Variants in CYP4X1 observed in about 807,000 individuals in gnomAD.
The protein encoded by CYP4X1 is cytochrome P450 4X1.
Under a neutral mutation model 57.9 loss-of-function variants are expected in CYP4X1, and 44 were observed. That is an observed-to-expected ratio of 0.76 (90% CI 0.60 to 0.98). The LOEUF (loss-of-function observed/expected upper bound fraction) is 0.98. Ranked by LOEUF, CYP4X1 falls within the 50% of genes least tolerant of loss-of-function variation. CYP4X1 has a pLI of 0.00. For missense variants in CYP4X1, 532 were observed against 623.9 expected, an observed-to-expected ratio of 0.85 and a Z score of 1.57; for synonymous variants, 227 against 228.6, an observed-to-expected ratio of 0.99 and a Z score of 0.06.
the CYP4X1 span, among the ~76,000 whole-genome samples, chr1:46,965,015 C>T: frequency 1.3e-5 from 2 of 152,220 alleles, no homozygotes; most frequent in Non-Finnish European, 2.9e-5. Flanking sequence ...AGTGAGGCAC[C>T]TTGGGTGTAG....
chr1:47,024,267 C>T (rs1239843132), intron 1 of CYP4X1, among the ~76,000 whole-genome samples: 1 of 152,194 alleles, frequency 6.6e-6, no homozygotes, highest in Non-Finnish European at 1.5e-5. Context: ...AAAAAGAAAG[C>T]GAGCTGTAAC....
At chr1:47,016,792 T>C in the CYP4X1 span, among the ~76,000 whole-genome samples, 1 of 152,264 alleles carries the variant, frequency 6.6e-6, no homozygotes, top group Non-Finnish European at 1.5e-5. Context: ...TAAATTGTTA[T>C]TGACTACAAT....
the CYP4X1 span, among the ~76,000 whole-genome samples, chr1:47,016,922 T>C: frequency 1.3e-5 from 2 of 152,224 alleles, no homozygotes; most frequent in African/African-American, 2.4e-5. Context: ...ATTGTTTTGA[T>C]TGTTGGATCC....
chr1:46,978,412 C>T, the CYP4X1 span, among the ~76,000 whole-genome samples: 1 of 152,088 alleles, frequency 6.6e-6, no homozygotes, highest in Non-Finnish European at 1.5e-5. Context: ...GGGATCAATT[C>T]AACAAGAAGA....
chr1:46,961,433 C>G, the CYP4X1 span: 37 of 545,444 alleles, frequency 6.8e-5, no homozygotes, highest in Non-Finnish European at 9.1e-5. Flanking sequence ...TATCCTGGGC[C>G]CACCAGTTTT....
In CYP4X1 at chr1:47,036,125, G is replaced by A; in HGVS notation, c.729G>A (p.Gln243=). 6.2e-7 allele frequency: 1 copy of A among 1,613,532 alleles called. No individual in the cohort carries two copies. Among genetic ancestry groups the A allele is most frequent in the Non-Finnish European group, 8.5e-7 (1 of 1,179,716 alleles). ...ACATAATTTTCAAACTCAGCCCTCA[G>A]GGCTACCGCTTCCAGAAGTTAAGCC... The part of the protein sequence containing the change: ...HSDIIFKLSP[Q]GYRFQKLSRV... Residue 243 remains glutamine (Q), a synonymous_variant, in exon 6 of 12, where the codon CAG becomes CAA. Coordinates refer to ENST00000371901, the MANE Select transcript of CYP4X1 (RefSeq NM_178033.2).
the CYP4X1 span, among the ~76,000 whole-genome samples, chr1:46,990,904 CG>C: frequency 1.3e-5 from 2 of 150,474 alleles, no homozygotes; most frequent in Admixed American, 6.6e-5. Context: ...CTGTTGGGGG[CG>C]GGGGGTTAGG....
chr1:47,033,814 C>T (rs896596430), intron 4 of CYP4X1, among the ~76,000 whole-genome samples: 13 of 152,166 alleles, frequency 8.5e-5, no homozygotes, highest in African/African-American at 2.9e-4. Flanking sequence ...ATGGTGGATC[C>T]CTGTGCCATT....
the CYP4X1 span, among the ~76,000 whole-genome samples, chr1:46,993,557 A>C: frequency 6.6e-6 from 1 of 152,196 alleles, no homozygotes; most frequent in Non-Finnish European, 1.5e-5. Flanking sequence ...CAACAGTGTA[A>C]AAGTGTTCCT....
At chr1:46,982,106 T>C in the CYP4X1 span, among the ~76,000 whole-genome samples, 1 of 152,194 alleles carries the variant, frequency 6.6e-6, no homozygotes, top group African/African-American at 2.4e-5. Context: ...TTTGTGCACA[T>C]GTACCCTAGA....
At chr1:47,026,951 G>A (rs1336661381) in intron 1 of CYP4X1, among the ~76,000 whole-genome samples, 1 of 151,936 alleles carries the variant, frequency 6.6e-6, no homozygotes, top group African/African-American at 2.4e-5. Context: ...TCCTGACCTC[G>A]TGATCCACCC....
At chr1:47,006,268 A>G in the CYP4X1 span, among the ~76,000 whole-genome samples, 2 of 152,210 alleles carry the variant, frequency 1.3e-5, no homozygotes, top group Non-Finnish European at 2.9e-5. Context: ...GTTCTTATCT[A>G]TAAGTGCCCA....
At chr1:47,048,534 T>A (rs367748702) in intron 9 of CYP4X1, 31 bp from the exon 10 acceptor site, 2 of 1,612,614 alleles carry the variant, frequency 1.2e-6, no homozygotes, top group East Asian at 4.5e-5. Flanking sequence ...CTCTTTCTCC[T>A]GCAGTCTCTT....
At chr1:46,961,495 G>A in the CYP4X1 span, 1 of 1,138,314 alleles carries the variant, frequency 8.8e-7, no homozygotes. Flanking sequence ...CAGAACATTT[G>A]AGCCCAACTA....
At chr1:46,984,135 G>T in the CYP4X1 span, among the ~76,000 whole-genome samples, 1 of 151,888 alleles carries the variant, frequency 6.6e-6, no homozygotes, top group Admixed American at 6.5e-5. Context: ...GGGCGGGGAG[G>T]GTGTGTGGAA....
At chr1:46,994,021 A>C in the CYP4X1 span, among the ~76,000 whole-genome samples, 2 of 152,154 alleles carry the variant, frequency 1.3e-5, no homozygotes, top group African/African-American at 4.8e-5. Flanking sequence ...TATGTCCTGA[A>C]TGGTATTGCC....
chr1:47,012,758 G>A, the CYP4X1 span, among the ~76,000 whole-genome samples: 2 of 152,170 alleles, frequency 1.3e-5, no homozygotes, highest in Non-Finnish European at 2.9e-5. Context: ...TCACAGAGTG[G>A]TCTGGAGGAC....
At chr1:47,001,041 C>T in the CYP4X1 span, 2 of 232,382 alleles carry the variant, frequency 8.6e-6, no homozygotes, top group South Asian at 1.6e-4. Context: ...TCAGGGCCAC[C>T]TTAAGCTCGT....
chr1:47,017,259 GT>G, the CYP4X1 span, among the ~76,000 whole-genome samples: 1 of 152,114 alleles, frequency 6.6e-6, no homozygotes, highest in Admixed American at 6.6e-5. Context: ...TCTATTTTTA[GT>G]TTTTTGAGGA....
Sources: allele counts gnomAD v4.1 joint callset (sites outside exome capture counted in the v4.1 genomes callset), GRCh38; gene constraint gnomAD v4.1.1; transcripts MANE v1.5; gene names NCBI Gene and HGNC (gene_info 2026-07-23, HGNC 2026-07-21).